Variants in ABCB4 observed in about 807,000 individuals in gnomAD.
ABCB4 encodes the protein ATP binding cassette subfamily B member 4.
In ABCB4, 76 loss-of-function variants were observed where a neutral mutation model predicts 145.7. That is an observed-to-expected ratio of 0.52 (90% CI 0.43 to 0.63). The LOEUF is 0.63. ABCB4 is among the 30% of genes least tolerant of loss of function. ABCB4 has a pLI of 0.00. For missense variants in ABCB4, 1,234 were observed against 1,553.1 expected (o/e 0.79, Z 3.45); for synonymous variants, 517 against 566.8 (o/e 0.91, Z 1.25).
At chr7:87,420,144 T>C in intron 18 of ABCB4, 69 bp from the exon 19 acceptor site, 1 of 1,451,774 alleles carries the variant, frequency 6.9e-7, no homozygotes, top group Non-Finnish European at 9.7e-7. Flanking sequence ...CCAATCATGT[T>C]CAACTTTTAT....
chr7:87,444,001 T>C, intron 10 of ABCB4, among the ~76,000 whole-genome samples: 1 of 152,198 alleles, frequency 6.6e-6, no homozygotes. Flanking sequence ...GATATTCATC[T>C]CATTTCATAT....
At chr7:87,380,814 T>TTAAAA in the ABCB4 span, among the ~76,000 whole-genome samples, 2 of 152,364 alleles carry the variant, frequency 1.3e-5, no homozygotes, top group Middle Eastern at 3.4e-3. Context: ...TGAAACAATA[T>TTAAAA]ATTTGATAAT....
chr7:87,443,192 C>T, intron 12 of ABCB4, 127 bp downstream of exon 12: 1 of 1,189,914 alleles, frequency 8.4e-7, no homozygotes, highest in Non-Finnish European at 1.2e-6. Flanking sequence ...TATCCATCGG[C>T]ATTGCCATTT....
chr7:87,401,241 T>TA (rs1187472780), downstream of ABCB4, among the ~76,000 whole-genome samples: 1 of 152,248 alleles, frequency 6.6e-6, no homozygotes, highest in African/African-American at 2.4e-5. Flanking sequence ...AACAACCTGA[T>TA]AGAGCGCTAA....
chr7:87,473,131 T>C (rs1813552370), intron 2 of ABCB4, among the ~76,000 whole-genome samples: 1 of 152,226 alleles, frequency 6.6e-6, no homozygotes, highest in South Asian at 2.1e-4. Flanking sequence ...TAGGGCAGCC[T>C]CCTGCCTAGT....
the ABCB4 span, among the ~76,000 whole-genome samples, chr7:87,367,782 T>C: frequency 6.6e-6 from 1 of 152,306 alleles, no homozygotes; most frequent in Non-Finnish European, 1.5e-5. Context: ...ATCTTCCATC[T>C]TAAAAGGAAA....
intron 12 of ABCB4, among the ~76,000 whole-genome samples, chr7:87,442,914 A>G (rs528020527): frequency 2.0e-5 from 3 of 152,314 alleles, no homozygotes; most frequent in Admixed American, 6.5e-5. Flanking sequence ...AGAAAACTCA[A>G]CTGTCTTGGA....
At chr7:87,459,550 C>T (rs565878037) in intron 4 of ABCB4, among the ~76,000 whole-genome samples, 2 of 152,070 alleles carry the variant, frequency 1.3e-5, no homozygotes, top group South Asian at 2.1e-4. Context: ...ATCTGTTAAT[C>T]TGATTTTTTT....
intron 26 of ABCB4, among the ~76,000 whole-genome samples, chr7:87,404,349 C>A (rs1419278623): frequency 6.6e-6 from 1 of 152,114 alleles, no homozygotes; most frequent in Non-Finnish European, 1.5e-5. Context: ...CAGGGCTACA[C>A]ATGTTTAAAG....
At chr7:87,377,244 G>C in the ABCB4 span, 22 of 616,574 alleles carry the variant, frequency 3.6e-5, no homozygotes, top group South Asian at 1.2e-4. Flanking sequence ...TATTAAATTT[G>C]GTTGACGTGA....
chr7:87,411,649 T>C (rs536536738), intron 23 of ABCB4, among the ~76,000 whole-genome samples: 49 of 152,350 alleles, frequency 3.2e-4, no homozygotes, highest in Non-Finnish European at 6.0e-4. Context: ...CAGGATCATA[T>C]GTACAACTAA....
intron 20 of ABCB4, among the ~76,000 whole-genome samples, chr7:87,418,109 T>C (rs1466054419): frequency 6.6e-6 from 1 of 152,200 alleles, no homozygotes; most frequent in Non-Finnish European, 1.5e-5. Context: ...CGTAGGCCAC[T>C]CAGAACACCA....
At chr7:87,386,288 T>C in the ABCB4 span, among the ~76,000 whole-genome samples, 1 of 152,232 alleles carries the variant, frequency 6.6e-6, no homozygotes, top group Non-Finnish European at 1.5e-5. Flanking sequence ...AGTGAAGCCA[T>C]CAGGTCCTAA....
At chr7:87,390,534 ACAG>A in the ABCB4 span, among the ~76,000 whole-genome samples, 3 of 152,194 alleles carry the variant, frequency 2.0e-5, no homozygotes, top group South Asian at 6.2e-4. Context: ...GAAACACTGA[ACAG>A]AAGAGGCTTG....
the ABCB4 span, chr7:87,369,427 C>G: frequency 1.2e-6 from 2 of 1,613,134 alleles, no homozygotes; most frequent in African/African-American, 2.7e-5. Flanking sequence ...CGAGGCCGAG[C>G]TTTTGTCTTT....
At chr7:87,380,809 C>A in the ABCB4 span, among the ~76,000 whole-genome samples, 2 of 152,254 alleles carry the variant, frequency 1.3e-5, no homozygotes, top group Middle Eastern at 3.4e-3. Flanking sequence ...TTAAATGAAA[C>A]AATATATTTG....
chr7:87,382,617 C>T, the ABCB4 span: 1 of 1,452,992 alleles, frequency 6.9e-7, no homozygotes, highest in Non-Finnish European at 9.3e-7. Flanking sequence ...CTATTTCATC[C>T]TAACTCCTCA....
the ABCB4 span, chr7:87,375,703 A>G: frequency 6.2e-7 from 1 of 1,613,632 alleles, no homozygotes; most frequent in Admixed American, 1.7e-5. Flanking sequence ...TTAACTAGTG[A>G]GGAGCGAACT....
intron 22 of ABCB4, among the ~76,000 whole-genome samples, chr7:87,412,608 T>C (rs926695017): frequency 1.3e-5 from 2 of 152,212 alleles, no homozygotes; most frequent in Non-Finnish European, 2.9e-5. Flanking sequence ...TATACTTTAT[T>C]GGCTTCTGAA....
Sources: allele counts gnomAD v4.1 joint callset (sites outside exome capture counted in the v4.1 genomes callset), GRCh38; gene constraint gnomAD v4.1.1; transcripts MANE v1.5; gene names NCBI Gene and HGNC (gene_info 2026-07-23, HGNC 2026-07-21).